KCNA6: variants seen among roughly 807,000 people sequenced by gnomAD.
The protein encoded by KCNA6 is potassium voltage-gated channel subfamily A member 6.
Under a neutral mutation model 29.5 loss-of-function variants are expected in KCNA6, and 17 were observed. The ratio of observed to expected loss-of-function variants is 0.58; its 90% CI spans 0.39 to 0.86. The LOEUF (loss-of-function observed/expected upper bound fraction) is 0.86. KCNA6 is among the 40% of genes least tolerant of loss of function. The pLI is 0.00. For synonymous variants in KCNA6, 296 were observed against 304.7 expected (o/e 0.97, Z 0.30); for missense variants, 450 against 703.4 (o/e 0.64, Z 4.07).
the KCNA6 span, among the ~76,000 whole-genome samples, chr12:4,835,684 C>T: frequency 2.0e-5 from 3 of 152,126 alleles, no homozygotes; most frequent in Non-Finnish European, 4.4e-5. Flanking sequence ...GAAACTCTCT[C>T]CCACCTGGAG....
chr12:4,812,322 A>G (rs1946640395), exon 1 of KCNA6: 1 of 167,250 alleles, frequency 6.0e-6, no homozygotes, highest in South Asian at 2.1e-4. Flanking sequence ...CACAAGAGGC[A>G]CTGGTGTTCG....
At chr12:4,824,929 T>G in the KCNA6 span, among the ~76,000 whole-genome samples, 1 of 152,220 alleles carries the variant, frequency 6.6e-6, no homozygotes, top group South Asian at 2.1e-4. Flanking sequence ...ACAGATGACA[T>G]GAAATAATTG....
rs770648258 is a variant in KCNA6 at position 4,810,598 on chromosome 12, T to G, written c.557T>G (p.Ile186Ser). The G allele has an allele frequency of 6.2e-7, 1 of 1,614,110 alleles. No homozygotes were observed. The highest frequency in any genetic ancestry group is 8.5e-7 in the Non-Finnish European group (1 of 1,180,014). ...ATCGTCTCCGTGTTGGTCATTCTCATCTCCATAGTCATCTTTTGCCTGGAG... is the reference window on the plus strand; with the variant it reads ...ATCGTCTCCGTGTTGGTCATTCTCAGCTCCATAGTCATCTTTTGCCTGGAG... The change falls in exon 1 of 1, where the codon ATC becomes AGC. Residue 186 changes from isoleucine to serine, a missense_variant. Transcript: ENST00000280684. This position sits in a 1 kb window ranked among gnomAD's most constrained non-coding sequence, Gnocchi z 7.5.
the KCNA6 span, among the ~76,000 whole-genome samples, chr12:4,835,096 A>AAAATGT: frequency 0.85 from 128,051 of 151,120 alleles, 54,555 homozygotes; most frequent in African/African-American, 0.94. Context: ...TAATAAATGC[A>AAAATGT]AACTGAGTAC....
At chr12:4,829,716 T>G in the KCNA6 span, among the ~76,000 whole-genome samples, 1 of 151,580 alleles carries the variant, frequency 6.6e-6, no homozygotes, top group Non-Finnish European at 1.5e-5. Flanking sequence ...AAAAAAAAAG[T>G]CTCTAGAGGT....
the KCNA6 span, among the ~76,000 whole-genome samples, chr12:4,833,667 A>G: frequency 6.6e-6 from 1 of 152,210 alleles, no homozygotes; most frequent in South Asian, 2.1e-4. Flanking sequence ...TCATGCTCAC[A>G]GATGGCAGCA....
chr12:4,822,989 G>C, the KCNA6 span, among the ~76,000 whole-genome samples: 1 of 152,184 alleles, frequency 6.6e-6, no homozygotes, highest in Admixed American at 6.5e-5. Context: ...TTATTTCCTT[G>C]GGAAGGAGAT....
At chr12:4,836,009 G>A in the KCNA6 span, among the ~76,000 whole-genome samples, 1 of 143,710 alleles carries the variant, frequency 7.0e-6, no homozygotes, top group South Asian at 2.2e-4. Flanking sequence ...GCACAACCTT[G>A]GCTCACTGCA....
At chr12:4,841,780 G>T in the KCNA6 span, among the ~76,000 whole-genome samples, 22 of 151,940 alleles carry the variant, frequency 1.4e-4, no homozygotes, top group African/African-American at 5.3e-4. Context: ...GGGAAGCAGG[G>T]CATTCAAAGA....
At chr12:4,833,826 C>G in the KCNA6 span, among the ~76,000 whole-genome samples, 2 of 152,088 alleles carry the variant, frequency 1.3e-5, no homozygotes, top group African/African-American at 4.8e-5. Flanking sequence ...AATAGACCAA[C>G]GGCTAGGATT....
chr12:4,838,075 T>G, the KCNA6 span, among the ~76,000 whole-genome samples: 1 of 152,198 alleles, frequency 6.6e-6, no homozygotes, highest in African/African-American at 2.4e-5. Context: ...TATCATCATC[T>G]GACTGCCTTC....
the KCNA6 span, among the ~76,000 whole-genome samples, chr12:4,841,958 A>G: frequency 6.7e-6 from 1 of 150,366 alleles, no homozygotes; most frequent in Non-Finnish European, 1.5e-5. Flanking sequence ...TCTTCTAGGC[A>G]CTGGGGATAT....
chr12:4,823,028 A>C, the KCNA6 span, among the ~76,000 whole-genome samples: 1 of 152,112 alleles, frequency 6.6e-6, no homozygotes, highest in African/African-American at 2.4e-5. Flanking sequence ...TTTAAGCTTT[A>C]TATGTACCCT....
the KCNA6 span, among the ~76,000 whole-genome samples, chr12:4,847,054 G>A: frequency 6.6e-6 from 1 of 151,770 alleles, no homozygotes; most frequent in Admixed American, 6.6e-5. Flanking sequence ...AAAGTGCTGG[G>A]ATTACAGACG....
At chr12:4,827,557 A>C in the KCNA6 span, among the ~76,000 whole-genome samples, 1 of 152,206 alleles carries the variant, frequency 6.6e-6, no homozygotes, top group Non-Finnish European at 1.5e-5. Flanking sequence ...AAAGGAAAGA[A>C]AGGTTGGTGT....
Position 4,810,971 on chromosome 12 carries a change from C to T in KCNA6, c.930C>T (p.Thr310=), listed in dbSNP as rs1946624572. ...TGGCTATCTTCCCCTACTTCATCACCCTGGGCACTGAGCTGGTGCAGCAGC... is the reference window on the plus strand; with the variant it reads ...TGGCTATCTTCCCCTACTTCATCACTCTGGGCACTGAGCTGGTGCAGCAGC... The change falls in exon 1 of 1, where the codon ACC becomes ACT. Residue 310 remains threonine (T), a synonymous_variant. Transcript: ENST00000280684. This position sits in a 1 kb window ranked among gnomAD's most constrained non-coding sequence, Gnocchi z 7.5. 1.2e-6 allele frequency: 2 copies of T among 1,614,260 alleles called. No individual in the cohort carries two copies. Among genetic ancestry groups the T allele is most frequent in the Non-Finnish European group, 1.7e-6 (2 of 1,180,058 alleles).
At chr12:4,849,938 A>G in the KCNA6 span, among the ~76,000 whole-genome samples, 1 of 152,242 alleles carries the variant, frequency 6.6e-6, no homozygotes, top group Non-Finnish European at 1.5e-5. Flanking sequence ...GCTTTGTGGT[A>G]GTCACAGAGA....
Position 4,811,439 on chromosome 12 carries a change from C to T in KCNA6, c.1398C>T (p.His466=). 6.2e-7 allele frequency: 1 copy of T among 1,614,224 alleles called. No individual in the cohort carries two copies. Among genetic ancestry groups the T allele is most frequent in the Non-Finnish European group, 8.5e-7 (1 of 1,180,024 alleles). The change falls in exon 1 of 1, where the codon CAC becomes CAT. Residue 466 remains histidine (H), a synonymous_variant. Transcript: ENST00000280684. The surrounding 1 kb of genome is among the most constrained non-coding windows in gnomAD (Gnocchi z 7.1). The stretch of plus-strand genomic sequence containing the variant: ...TCTCCAACTTCAACTACTTCTACCA[C>T]CGGGAGACGGAGCAGGAGGAGCAAG...
chr12:4,841,594 C>T, the KCNA6 span, among the ~76,000 whole-genome samples: 3 of 152,114 alleles, frequency 2.0e-5, no homozygotes, highest in East Asian at 3.8e-4. Context: ...AATATACCAT[C>T]GATGATTATG....
Sources: allele counts gnomAD v4.1 joint callset (sites outside exome capture counted in the v4.1 genomes callset), GRCh38; gene constraint gnomAD v4.1.1; non-coding constraint Gnocchi (gnomAD v3.1); transcripts MANE v1.5; gene names NCBI Gene and HGNC (gene_info 2026-07-23, HGNC 2026-07-21).